Variants in STK32B observed in about 807,000 individuals in gnomAD.
The protein encoded by STK32B is serine/threonine kinase 32B.
A neutral mutation model predicts 52.6 loss-of-function variants in STK32B; 43 were observed. The observed-to-expected ratio is 0.82, with a 90% CI of 0.64 to 1.05. The LOEUF (loss-of-function observed/expected upper bound fraction) is 1.05, where lower values mean the gene tolerates loss of function less well. STK32B is among the 50% of genes least tolerant of loss of function. The pLI is 0.00. For synonymous variants in STK32B, 238 were observed against 204.3 expected, an observed-to-expected ratio of 1.17 and a Z score of -1.41; for missense variants, 621 against 534.6, an observed-to-expected ratio of 1.16 and a Z score of -1.59.
chr4:5,157,926 C>T (rs1717997077), intron 2 of STK32B, among the ~76,000 whole-genome samples: 1 of 152,160 alleles, frequency 6.6e-6, no homozygotes, highest in African/African-American at 2.4e-5. Flanking sequence ...CTTCATTGTT[C>T]ATGCAGACAT....
chr4:5,228,497 A>G (rs571856357), intron 3 of STK32B, among the ~76,000 whole-genome samples: 2 of 152,118 alleles, frequency 1.3e-5, no homozygotes, highest in Non-Finnish European at 2.9e-5. Context: ...TGGCTTCTTC[A>G]TTTATAGTTT....
chr4:5,174,661 C>T (rs528180972), intron 3 of STK32B, among the ~76,000 whole-genome samples: 121 of 152,252 alleles, frequency 7.9e-4, no homozygotes, highest in African/African-American at 2.1e-3. Context: ...GAGTTTCTGC[C>T]GAGAGATCAG....
At chr4:5,463,989 A>G (rs563049262) in intron 9 of STK32B, among the ~76,000 whole-genome samples, 3 of 152,346 alleles carry the variant, frequency 2.0e-5, no homozygotes, top group African/African-American at 7.2e-5. Context: ...TGCGGGCTGT[A>G]CAGGAAGCAT....
chr4:5,155,633 G>C (rs1412561056), intron 2 of STK32B, among the ~76,000 whole-genome samples: 1 of 152,080 alleles, frequency 6.6e-6, no homozygotes, highest in African/African-American at 2.4e-5. Context: ...GGTTCCTGGG[G>C]GCGGTTTCCC....
chr4:5,398,321 G>T lies in STK32B; in HGVS notation c.472+77G>T. The T allele has an allele frequency of 3.9e-6, 6 of 1,521,926 alleles. No individual in the cohort carries two copies. In the South Asian group the frequency reaches 4.6e-5, roughly 12 times the overall value. The allele number at this position is 1,521,926 out of a possible 1,614,324, so 94.3% of individuals were successfully genotyped here. A position where few individuals can be genotyped will look rare whatever the true frequency, so the allele number is the denominator to read the frequency against. On this transcript the variant is annotated intron_variant, in intron 5 of 11. Coordinates refer to ENST00000282908, the MANE Select transcript of STK32B (RefSeq NM_018401.3). The surrounding 1 kb of genome is among the most constrained non-coding windows in gnomAD (Gnocchi z 4.9). ...ACTGGGAAATAGTGCGGGGGTGGGG[G>T]TTGGGTCTTGCTGAGTTGGACATTA... is the stretch of plus-strand genomic sequence containing the variant.
chr4:5,446,108 G>C (rs1474697730), intron 6 of STK32B, among the ~76,000 whole-genome samples: 2 of 152,158 alleles, frequency 1.3e-5, no homozygotes, highest in African/African-American at 4.8e-5. Context: ...CCAAGTGGAC[G>C]GCCCTTCCAT....
At chr4:5,491,204 T>G (rs996174159) in intron 11 of STK32B, among the ~76,000 whole-genome samples, 8 of 152,200 alleles carry the variant, frequency 5.3e-5, no homozygotes, top group African/African-American at 1.9e-4. Flanking sequence ...TGTAAAAGTG[T>G]TCCTATTTCT....
At chr4:5,025,669 T>C in the STK32B span, among the ~76,000 whole-genome samples, 1 of 152,210 alleles carries the variant, frequency 6.6e-6, no homozygotes, top group Non-Finnish European at 1.5e-5. Context: ...CTGTCTCATG[T>C]TCCCATTTCT....
intron 3 of STK32B, among the ~76,000 whole-genome samples, chr4:5,324,661 A>G (rs1452542697): frequency 2.0e-5 from 3 of 152,182 alleles, no homozygotes; most frequent in Non-Finnish European, 2.9e-5. Context: ...GACAACAAAA[A>G]CTGTCTCCAC....
intron 1 of STK32B, among the ~76,000 whole-genome samples, chr4:5,088,839 G>C (rs1712884125): frequency 6.6e-6 from 1 of 151,706 alleles, no homozygotes. Flanking sequence ...ACATTAAAAA[G>C]ACAAGGAAGA....
chr4:5,319,916 C>G (rs1320128500), intron 3 of STK32B, among the ~76,000 whole-genome samples: 1 of 152,102 alleles, frequency 6.6e-6, no homozygotes, highest in African/African-American at 2.4e-5. Flanking sequence ...AGACCTTGCC[C>G]CACTTAGCCA....
chr4:5,355,656 G>A (rs1291975958), intron 4 of STK32B, among the ~76,000 whole-genome samples: 1 of 152,090 alleles, frequency 6.6e-6, no homozygotes, highest in Non-Finnish European at 1.5e-5. Context: ...CACCCTAGAT[G>A]CCTGAAGCAT....
At chr4:5,220,336 A>G (rs1723446266) in intron 3 of STK32B, among the ~76,000 whole-genome samples, 2 of 152,234 alleles carry the variant, frequency 1.3e-5, no homozygotes, top group African/African-American at 2.4e-5. Context: ...ATGAGATCAC[A>G]GTACTTTTGT....
intron 3 of STK32B, among the ~76,000 whole-genome samples, chr4:5,300,009 T>C (rs1354780560): frequency 6.7e-6 from 1 of 149,162 alleles, no homozygotes; most frequent in African/African-American, 2.6e-5. Context: ...CAGGCCGAGA[T>C]CTCTGATAGA....
chr4:5,396,278 A>G lies in STK32B; in HGVS notation c.435-1929A>G, dbSNP rs901322905. Among the ~76,000 whole-genome samples the G allele has an allele frequency of 3.9e-4, 59 of 152,212 alleles. No individual in the cohort carries two copies. The highest frequency in any genetic ancestry group is 1.3e-3 in the African/African-American group (54 of 41,542). ...CCAGGCGTTTCTGGTTCATGGCTGC[A>G]TCACTCCAGTATCTGCTTCCATCTC... On this transcript the variant is annotated intron_variant, in intron 4 of 11. Transcript: ENST00000282908. This position sits in a 1 kb window ranked among gnomAD's most constrained non-coding sequence, Gnocchi z 4.7.
At chr4:5,226,862 T>A (rs190347811) in intron 3 of STK32B, among the ~76,000 whole-genome samples, 3 of 152,202 alleles carry the variant, frequency 2.0e-5, no homozygotes, top group Admixed American at 2.0e-4. Flanking sequence ...TCAGTGGGGG[T>A]CTTGGAACAT....
At chr4:5,381,399 C>T (rs1735922149) in intron 4 of STK32B, among the ~76,000 whole-genome samples, 1 of 152,202 alleles carries the variant, frequency 6.6e-6, no homozygotes, top group Non-Finnish European at 1.5e-5. Flanking sequence ...AGCATTTTCT[C>T]ATGGTATCTT....
chr4:5,320,747 T>G (rs1233523953), intron 3 of STK32B, among the ~76,000 whole-genome samples: 1 of 152,190 alleles, frequency 6.6e-6, no homozygotes, highest in Non-Finnish European at 1.5e-5. Context: ...TGTTTGATCA[T>G]GAGGATGGAA....
At chr4:5,031,446 A>G in the STK32B span, among the ~76,000 whole-genome samples, 1 of 152,002 alleles carries the variant, frequency 6.6e-6, no homozygotes, top group Non-Finnish European at 1.5e-5. Context: ...TAAAAAAACA[A>G]AACTTAGCTG....
Sources: gnomAD v4.1 joint callset for allele counts (sites outside exome capture counted in the v4.1 genomes callset) on GRCh38, gnomAD v4.1.1 for gene constraint, Gnocchi (gnomAD v3.1) non-coding constraint, MANE v1.5 for transcripts, NCBI Gene and HGNC (gene_info 2026-07-23, HGNC 2026-07-21) for gene names.